The following DCC variants were observed in gnomAD, a reference collection of about 807,000 sequenced individuals.
DCC encodes DCC netrin 1 receptor.
A neutral mutation model predicts 172.5 loss-of-function variants in DCC; 58 were observed. The observed-to-expected ratio is 0.34, with a 90% CI of 0.27 to 0.42. The LOEUF is 0.42. DCC is among the 10% of genes least tolerant of loss of function. DCC has a pLI of 1.00. For missense variants in DCC, 1,740 were observed against 1,791.0 expected (o/e 0.97, Z 0.51); for synonymous variants, 709 against 644.5 (o/e 1.10, Z -1.52).
chr18:53,263,931 A>G (rs1333920849), intron 12 of DCC, among the ~76,000 whole-genome samples: 2 of 152,146 alleles, frequency 1.3e-5, no homozygotes, highest in Admixed American at 6.5e-5. Context: ...ATTACAATCA[A>G]TAATGTTTTA....
chr18:53,464,716 C>T (rs538286521), intron 24 of DCC, among the ~76,000 whole-genome samples: 1 of 151,734 alleles, frequency 6.6e-6, no homozygotes, highest in South Asian at 2.1e-4. Flanking sequence ...AGCTGTGGCT[C>T]ACACCTGTAA....
At chr18:53,410,722 A>G in intron 20 of DCC, 76 bp downstream of exon 20, 1 of 911,830 alleles carries the variant, frequency 1.1e-6, no homozygotes. Flanking sequence ...TGTGTTAGAA[A>G]TGGCCCTGCA....
At chr18:53,009,296 A>G (rs2041692614) in intron 5 of DCC, among the ~76,000 whole-genome samples, 1 of 152,002 alleles carries the variant, frequency 6.6e-6, no homozygotes, top group Non-Finnish European at 1.5e-5. Flanking sequence ...TTGTTTCAAT[A>G]AAAGATGGAT....
chr18:52,415,002 TA>T (rs1986969950), intron 1 of DCC, among the ~76,000 whole-genome samples: 1 of 152,214 alleles, frequency 6.6e-6, no homozygotes, highest in Admixed American at 6.5e-5. Context: ...GGTAGAGAAA[TA>T]AAATCTGTGC....
chr18:52,776,189 G>A (rs1225455575), intron 2 of DCC, among the ~76,000 whole-genome samples: 1 of 152,006 alleles, frequency 6.6e-6, no homozygotes, highest in African/African-American at 2.4e-5. Flanking sequence ...ATAATCCCAA[G>A]ATAATTGAAG....
intron 2 of DCC, among the ~76,000 whole-genome samples, chr18:52,836,033 A>C (rs944660637): frequency 2.0e-5 from 3 of 152,160 alleles, no homozygotes; most frequent in Admixed American, 6.5e-5. Context: ...GGAAGCAAAC[A>C]TGTCCTTCTT....
At chr18:53,441,257 G>A (rs1404247432) in intron 22 of DCC, among the ~76,000 whole-genome samples, 2 of 152,106 alleles carry the variant, frequency 1.3e-5, no homozygotes, top group East Asian at 3.9e-4. Flanking sequence ...CAGGAAAGTG[G>A]TATGGCACCT....
intron 15 of DCC, among the ~76,000 whole-genome samples, chr18:53,342,251 T>C (rs2057667398): frequency 6.6e-6 from 1 of 152,052 alleles, no homozygotes; most frequent in Non-Finnish European, 1.5e-5. Context: ...TATCTAATAT[T>C]ACCTAATTAA....
At chr18:52,840,894 A>C (rs2038793054) in intron 2 of DCC, among the ~76,000 whole-genome samples, 1 of 152,206 alleles carries the variant, frequency 6.6e-6, no homozygotes, top group Non-Finnish European at 1.5e-5. Flanking sequence ...TCATATTCTC[A>C]GGAAGGAGAA....
intron 1 of DCC, among the ~76,000 whole-genome samples, chr18:52,461,661 C>T (rs2144539773): frequency 6.6e-6 from 1 of 152,246 alleles, no homozygotes; most frequent in South Asian, 2.1e-4. Flanking sequence ...CTTATGGGAC[C>T]ACTGTTGCGT....
At chr18:53,371,841 G>A (rs568236460) in intron 15 of DCC, among the ~76,000 whole-genome samples, 1 of 152,026 alleles carries the variant, frequency 6.6e-6, no homozygotes, top group South Asian at 2.1e-4. Context: ...CATACATGCA[G>A]CCAACAAGCA....
intron 1 of DCC, among the ~76,000 whole-genome samples, chr18:52,415,491 G>A (rs753395662): frequency 6.6e-6 from 1 of 152,168 alleles, no homozygotes; most frequent in Non-Finnish European, 1.5e-5. Context: ...TATGGGATGT[G>A]CCATGATGAA....
At chr18:52,410,092 A>C (rs530151983) in intron 1 of DCC, among the ~76,000 whole-genome samples, 231 of 152,278 alleles carry the variant, frequency 1.5e-3, no homozygotes, top group Admixed American at 3.1e-3. Flanking sequence ...AGGATACCTG[A>C]CAATGAGTTC....
chr18:52,536,673 T>C (rs2032298512), intron 1 of DCC, among the ~76,000 whole-genome samples: 1 of 152,134 alleles, frequency 6.6e-6, no homozygotes, highest in African/African-American at 2.4e-5. Flanking sequence ...CCTTCCAAAA[T>C]GAGTTTGGCA....
chr18:53,045,262 C>A (rs1183400638), intron 5 of DCC, among the ~76,000 whole-genome samples: 2 of 151,802 alleles, frequency 1.3e-5, no homozygotes, highest in Non-Finnish European at 2.9e-5. Context: ...CTTTCCAACC[C>A]TTTCCAATGA....
intron 23 of DCC, among the ~76,000 whole-genome samples, chr18:53,458,388 AC>A (rs1198634767): frequency 3.9e-5 from 6 of 152,148 alleles, no homozygotes; most frequent in African/African-American, 1.4e-4. Context: ...TTCCAATAAA[AC>A]TTTATTTACA....
chr18:52,740,977 A>C (rs2036813847), intron 1 of DCC, among the ~76,000 whole-genome samples: 1 of 152,206 alleles, frequency 6.6e-6, no homozygotes, highest in South Asian at 2.1e-4. Context: ...TTGTTTTATT[A>C]ATGAGTGAAT....
intron 9 of DCC, among the ~76,000 whole-genome samples, chr18:53,190,511 C>T (rs2144510361): frequency 6.7e-6 from 1 of 149,254 alleles, no homozygotes; most frequent in South Asian, 2.1e-4. Flanking sequence ...TGTACACAAA[C>T]TAAGATTAGC....
At chr18:52,410,552 A>G (rs147713359) in intron 1 of DCC, among the ~76,000 whole-genome samples, 1,805 of 152,294 alleles carry the variant, frequency 0.012, 34 homozygotes, top group African/African-American at 0.041. Context: ...GGTTGCTGTC[A>G]TTCCTATTAT....
Sources: gnomAD v4.1 joint callset for allele counts (sites outside exome capture counted in the v4.1 genomes callset) on GRCh38, gnomAD v4.1.1 for gene constraint, MANE v1.5 for transcripts, NCBI Gene and HGNC (gene_info 2026-07-23, HGNC 2026-07-21) for gene names.